Variants in CSGALNACT1 observed in about 807,000 individuals in gnomAD.
CSGALNACT1 encodes the protein beta4GalNAcT-1.
CSGALNACT1 carries 52 observed loss-of-function variants against 51.0 expected under a neutral mutation model. The observed-to-expected ratio is 1.02, with a 90% CI of 0.82 to 1.29. CSGALNACT1 has a LOEUF of 1.29. CSGALNACT1 is among the 50% of genes most tolerant of loss of function. The pLI, the probability that CSGALNACT1 is intolerant of heterozygous loss-of-function variation, is 0.00. For missense variants in CSGALNACT1, 935 were observed against 679.2 expected (o/e 1.38, Z -4.19); for synonymous variants, 341 against 254.4 (o/e 1.34, Z -3.24).
intron 4 of CSGALNACT1, among the ~76,000 whole-genome samples, chr8:19,492,232 T>C (rs1009012669): frequency 2.0e-5 from 3 of 152,176 alleles, no homozygotes; most frequent in Non-Finnish European, 4.4e-5. Context: ...CACACAGCCC[T>C]CACAATGAGA....
At chr8:19,480,211 C>G (rs927688492) in intron 4 of CSGALNACT1, among the ~76,000 whole-genome samples, 1 of 152,060 alleles carries the variant, frequency 6.6e-6, no homozygotes, top group Non-Finnish European at 1.5e-5. Flanking sequence ...ATTTCATCAC[C>G]CCAGTATTAA....
At chr8:19,664,646 AACACACAC>A (rs34245346) in intron 1 of CSGALNACT1, among the ~76,000 whole-genome samples, 15 of 150,594 alleles carry the variant, frequency 1.0e-4, no homozygotes, top group Admixed American at 5.3e-4. Context: ...CAAACACACA[AACACACAC>A]ACACACACAC....
chr8:19,457,747 C>A (rs777006501), intron 5 of CSGALNACT1: 1 of 1,349,800 alleles, frequency 7.4e-7, no homozygotes, highest in Non-Finnish European at 9.8e-7. Flanking sequence ...TGAGCCATCA[C>A]AGCTTCTAAG....
chr8:19,488,728 C>A (rs1251599015), intron 4 of CSGALNACT1, among the ~76,000 whole-genome samples: 1 of 151,992 alleles, frequency 6.6e-6, no homozygotes, highest in African/African-American at 2.4e-5. Flanking sequence ...TGTAAAGACC[C>A]ATATATAGTT....
At chr8:19,465,176 A>T (rs953024099) in intron 4 of CSGALNACT1, among the ~76,000 whole-genome samples, 40 of 152,210 alleles carry the variant, frequency 2.6e-4, no homozygotes, top group African/African-American at 7.7e-4. Context: ...ACAAGCATGG[A>T]AATTCGGATA....
chr8:19,415,165 C>A (rs2056624182), intron 8 of CSGALNACT1, among the ~76,000 whole-genome samples: 1 of 152,160 alleles, frequency 6.6e-6, no homozygotes, highest in South Asian at 2.1e-4. Flanking sequence ...AGCCAGTTCA[C>A]CTCTATAAAA....
chr8:19,658,809 T>C (rs191242864), intron 1 of CSGALNACT1, among the ~76,000 whole-genome samples: 52 of 152,312 alleles, frequency 3.4e-4, no homozygotes, highest in South Asian at 2.1e-4. Context: ...TCATTAGCTA[T>C]GACATTCAGC....
chr8:19,676,053 C>G (rs1481803296), intron 1 of CSGALNACT1, among the ~76,000 whole-genome samples: 2 of 141,080 alleles, frequency 1.4e-5, no homozygotes, highest in Non-Finnish European at 3.0e-5. Context: ...GCAGCCTGAA[C>G]CTAACCACGA....
chr8:19,504,248 T>C (rs996029683), intron 4 of CSGALNACT1, among the ~76,000 whole-genome samples: 4 of 152,112 alleles, frequency 2.6e-5, no homozygotes, highest in Admixed American at 6.6e-5. Context: ...GGCTAATTTT[T>C]TGTATTTTTA....
At chr8:19,427,509 C>G (rs949441000) in intron 6 of CSGALNACT1, among the ~76,000 whole-genome samples, 2 of 152,120 alleles carry the variant, frequency 1.3e-5, no homozygotes, top group African/African-American at 2.4e-5. Context: ...GGGGTGGCAG[C>G]CGGGTGTGGT....
At chr8:19,680,296 C>G (rs939737308) in intron 1 of CSGALNACT1, among the ~76,000 whole-genome samples, 1 of 152,190 alleles carries the variant, frequency 6.6e-6, no homozygotes, top group Non-Finnish European at 1.5e-5. Flanking sequence ...TGGCTCATGT[C>G]TGTAATCCCA....
chr8:19,453,837 G>T (rs1045162193), intron 5 of CSGALNACT1, among the ~76,000 whole-genome samples: 1 of 152,084 alleles, frequency 6.6e-6, no homozygotes, highest in Non-Finnish European at 1.5e-5. Flanking sequence ...ACTTGAACCT[G>T]GGAGGCAGAG....
chr8:19,405,711 C>G, exon 10 of CSGALNACT1: 3 of 1,596,460 alleles, frequency 1.9e-6, no homozygotes, highest in Non-Finnish European at 2.6e-6. Flanking sequence ...AGTCTTTTCT[C>G]TGTTGCAGCC....
At chr8:19,595,164 A>G (rs980836992) in intron 2 of CSGALNACT1, among the ~76,000 whole-genome samples, 1 of 152,246 alleles carries the variant, frequency 6.6e-6, no homozygotes, top group Non-Finnish European at 1.5e-5. Flanking sequence ...ATAAAATTTT[A>G]AAACTTAACT....
intron 1 of CSGALNACT1, among the ~76,000 whole-genome samples, chr8:19,639,120 A>T (rs973323529): frequency 6.6e-6 from 1 of 152,158 alleles, no homozygotes; most frequent in East Asian, 1.9e-4. Flanking sequence ...AGCCCCTCTA[A>T]AAGTACAAAA....
At chr8:19,723,359 G>A (rs1278445508) in intron 1 of CSGALNACT1, among the ~76,000 whole-genome samples, 2 of 152,158 alleles carry the variant, frequency 1.3e-5, no homozygotes, top group Non-Finnish European at 2.9e-5. Context: ...CTTGAGGTGC[G>A]GATTCTTAGA....
intron 3 of CSGALNACT1, among the ~76,000 whole-genome samples, chr8:19,586,573 T>A (rs1588712458): frequency 6.6e-6 from 1 of 152,050 alleles, no homozygotes; most frequent in Non-Finnish European, 1.5e-5. Context: ...GGCTTGAGCA[T>A]CTGTAGATTT....
intron 4 of CSGALNACT1, among the ~76,000 whole-genome samples, chr8:19,498,261 G>C (rs936658653): frequency 6.6e-6 from 1 of 152,150 alleles, no homozygotes; most frequent in Admixed American, 6.5e-5. Flanking sequence ...AACAGCTGGG[G>C]ACATTCTGCA....
chr8:19,496,657 A>C (rs2075524350), intron 4 of CSGALNACT1, among the ~76,000 whole-genome samples: 2 of 152,240 alleles, frequency 1.3e-5, no homozygotes, highest in Non-Finnish European at 2.9e-5. Flanking sequence ...GTCACGGAGC[A>C]AACAGCTGGC....
Sources: allele counts gnomAD v4.1 joint callset (sites outside exome capture counted in the v4.1 genomes callset), GRCh38; gene constraint gnomAD v4.1.1; transcripts MANE v1.5; gene names NCBI Gene and HGNC (gene_info 2026-07-23, HGNC 2026-07-21).